The following KIF16B variants were observed in gnomAD, a reference collection of about 807,000 sequenced individuals.
KIF16B encodes the protein kinesin-like protein KIF16B.
KIF16B carries 98 observed loss-of-function variants against 156.3 expected under a neutral mutation model. That is an observed-to-expected ratio of 0.63 (90% CI 0.53 to 0.74). KIF16B has a LOEUF of 0.74. KIF16B is among the 30% of genes least tolerant of loss of function. The probability of loss-of-function intolerance (pLI) is 0.00; values close to 1 mark genes in which losing one functional copy is unlikely to be tolerated. For synonymous variants in KIF16B, 564 were observed against 583.7 expected (o/e 0.97, Z 0.49); for missense variants, 1,421 against 1,606.5 (o/e 0.88, Z 1.97).
chr20:16,505,388 A>C (rs1395861582), intron 9 of KIF16B, among the ~76,000 whole-genome samples: 1 of 152,232 alleles, frequency 6.6e-6, no homozygotes, highest in African/African-American at 2.4e-5. Flanking sequence ...TTAAATAAAA[A>C]AACAAAGTTG....
chr20:16,368,048 C>T (rs966043013), intron 22 of KIF16B: 2 of 1,387,852 alleles, frequency 1.4e-6, no homozygotes, highest in Non-Finnish European at 1.9e-6. Context: ...GGGTCAGGTG[C>T]TGTGCAGGCA....
At chr20:16,293,761 T>C (rs922786847) in intron 25 of KIF16B, among the ~76,000 whole-genome samples, 4 of 152,088 alleles carry the variant, frequency 2.6e-5, no homozygotes, top group Non-Finnish European at 5.9e-5. Flanking sequence ...GCTCTGAATG[T>C]TTGAGAAGAG....
intron 1 of KIF16B, among the ~76,000 whole-genome samples, chr20:16,557,219 C>T (rs1451429208): frequency 2.0e-5 from 3 of 151,718 alleles, no homozygotes; most frequent in African/African-American, 4.8e-5. Context: ...CTCTCTCTGT[C>T]ACCCAGGCTG....
At chr20:16,431,238 C>T (rs1182444408) in intron 12 of KIF16B, among the ~76,000 whole-genome samples, 3 of 152,198 alleles carry the variant, frequency 2.0e-5, no homozygotes, top group African/African-American at 7.2e-5. Flanking sequence ...CCGTGATATA[C>T]ACTCAATTCA....
At chr20:16,369,401 T>A (rs1314928394) in intron 22 of KIF16B, 1 of 460,082 alleles carries the variant, frequency 2.2e-6, no homozygotes, top group Non-Finnish European at 2.9e-6. Flanking sequence ...CTAAGCCATT[T>A]GTATTGATAC....
chr20:16,494,421 T>C (rs1478285280), intron 11 of KIF16B, 71 bp from the exon 12 acceptor site: 2 of 941,590 alleles, frequency 2.1e-6, no homozygotes, highest in Non-Finnish European at 3.3e-6. Context: ...GTTTCCGAAC[T>C]CTAATATCTC....
intron 1 of KIF16B, among the ~76,000 whole-genome samples, chr20:16,540,666 A>C (rs2070161513): frequency 6.6e-6 from 1 of 152,096 alleles, no homozygotes; most frequent in South Asian, 2.1e-4. Flanking sequence ...TGATACCCAC[A>C]TTCAAAACTA....
At chr20:16,291,782 A>C (rs1601505710) in intron 25 of KIF16B, among the ~76,000 whole-genome samples, 1 of 152,346 alleles carries the variant, frequency 6.6e-6, no homozygotes, top group East Asian at 1.9e-4. Context: ...AGTAAACTGC[A>C]TATAAATACA....
rs1240676107 is a variant in KIF16B at position 16,367,413 on chromosome 20, G to C, written c.3498+3173C>G. 24 of 1,612,610 alleles carry C rather than the reference G, an allele frequency of 1.5e-5. No individual in the cohort carries two copies. In the Admixed American group the frequency reaches 4.0e-4, roughly 27 times the overall value. Reference sequence around the variant, plus strand: ...CACACCTGAATTCACTTAAAGCATGGCATTTGATCACATCAAATTGTGCAC... The same window carrying C: ...CACACCTGAATTCACTTAAAGCATGCCATTTGATCACATCAAATTGTGCAC... On this transcript the variant is annotated intron_variant, in intron 22 of 25. Coordinates refer to ENST00000354981, the MANE Select transcript of KIF16B (RefSeq NM_024704.5).
At chr20:16,347,565 G>GA (rs201631620) in intron 23 of KIF16B, among the ~76,000 whole-genome samples, 1 of 151,706 alleles carries the variant, frequency 6.6e-6, no homozygotes, top group South Asian at 2.1e-4. Flanking sequence ...AACCGGGAAA[G>GA]AAAAAAAAAT....
chr20:16,400,895 C>A (rs1313754422), intron 17 of KIF16B, among the ~76,000 whole-genome samples: 2 of 152,080 alleles, frequency 1.3e-5, no homozygotes, highest in African/African-American at 4.8e-5. Flanking sequence ...TTTAGTTTGG[C>A]AAGACGAAAC....
chr20:16,471,472 A>G (rs16997664), intron 12 of KIF16B, among the ~76,000 whole-genome samples: 2,940 of 152,280 alleles, frequency 0.019, 80 homozygotes, highest in African/African-American at 0.068. Flanking sequence ...GGTAAATGGT[A>G]TAATTTTGTA....
chr20:16,521,068 G>A (rs968303247), intron 3 of KIF16B, among the ~76,000 whole-genome samples: 1 of 151,998 alleles, frequency 6.6e-6, no homozygotes, highest in South Asian at 2.1e-4. Context: ...GGAAAAACCA[G>A]TGCAAAAAGG....
At chr20:16,566,073 G>A (rs781408043) in intron 1 of KIF16B, among the ~76,000 whole-genome samples, 4 of 152,162 alleles carry the variant, frequency 2.6e-5, no homozygotes, top group African/African-American at 4.8e-5. Context: ...TGATTTCTTC[G>A]GTATATTTTT....
intron 12 of KIF16B, among the ~76,000 whole-genome samples, chr20:16,488,267 C>G (rs1161356718): frequency 6.6e-6 from 1 of 152,254 alleles, no homozygotes; most frequent in East Asian, 1.9e-4. Context: ...CAGACACTCA[C>G]AGAGGCAGCT....
At position 16,379,779 on chromosome 20, in the gene KIF16B, A is replaced by C; in HGVS notation, c.2223T>G (p.Tyr741Ter). 1 of 1,614,134 alleles carries C rather than the reference A, an allele frequency of 6.2e-7. No individual in the cohort carries two copies. Among genetic ancestry groups the C allele is most frequent in the Non-Finnish European group, 8.5e-7 (1 of 1,180,024 alleles). ...TCTTTTTTTCCAGTTCAAGCTTGGC[A>C]TACTGTTCATCTTTTTCCTTTTGGA... Reference protein sequence around the residue: ...DQLQKEKDEQYAKLELEKKRL... With the variant: ...DQLQKEKDEQ The change falls in exon 19 of 26, where the codon TAT becomes TAG. Residue 741 changes from tyrosine to a stop codon, truncating the protein, a stop_gained. Coordinates refer to ENST00000354981, the MANE Select transcript of KIF16B (RefSeq NM_024704.5). LOFTEE classifies it high-confidence loss of function.
Position 16,512,902 on chromosome 20 carries a change from G to T in KIF16B, c.370C>A (p.Arg124=), listed in dbSNP as rs1600588842. 1.2e-6 allele frequency: 2 copies of T among 1,612,286 alleles called. No homozygotes were observed. The highest frequency in any genetic ancestry group is 1.3e-5 in the African/African-American group (1 of 74,896). The change falls in exon 5 of 26, where the codon CGG becomes AGG. Residue 124 remains arginine (R), a synonymous_variant. Transcript: ENST00000354981. ...GNSGDSGLIP[R]ICEGLFSRIN... ...CGACTGAAGAGTCCTTCACAGATCC[G>T]AGGTATTAAGCCAGAATCTCCCTGC...
intron 12 of KIF16B, among the ~76,000 whole-genome samples, chr20:16,473,724 G>C (rs1189107391): frequency 6.6e-6 from 1 of 152,144 alleles, no homozygotes. Context: ...TCAGCTCTAA[G>C]ACTCCATCCA....
intron 15 of KIF16B, among the ~76,000 whole-genome samples, chr20:16,426,194 G>A (rs1300112033): frequency 6.6e-6 from 1 of 152,152 alleles, no homozygotes; most frequent in Non-Finnish European, 1.5e-5. Context: ...CTACATTTAT[G>A]TAGAGGGACA....
Sources: gnomAD v4.1 joint callset for allele counts (sites outside exome capture counted in the v4.1 genomes callset) on GRCh38, gnomAD v4.1.1 for gene constraint, MANE v1.5 for transcripts, NCBI Gene and HGNC (gene_info 2026-07-23, HGNC 2026-07-21) for gene names.